DLG5: variants seen among roughly 807,000 people sequenced by gnomAD.
DLG5 encodes the protein disks large homolog 5.
In DLG5, 48 loss-of-function variants were observed where a neutral mutation model predicts 189.8. The ratio of observed to expected loss-of-function variants is 0.25; its 90% CI spans 0.20 to 0.32. The LOEUF (loss-of-function observed/expected upper bound fraction) is 0.32. Among genes scored for constraint, DLG5 ranks in the 10% least tolerant of loss-of-function variants. DLG5 has a pLI of 1.00. For missense variants in DLG5, 2,160 were observed against 2,544.7 expected (o/e 0.85, Z 3.25); for synonymous variants, 1,016 against 1,054.1 (o/e 0.96, Z 0.70).
At chr10:77,869,873 A>G (rs1844830497) in intron 1 of DLG5, among the ~76,000 whole-genome samples, 1 of 152,134 alleles carries the variant, frequency 6.6e-6, no homozygotes, top group Non-Finnish European at 1.5e-5. Context: ...CGGGAAGCCC[A>G]GTTTCTGAAC....
chr10:77,835,610 G>A, intron 8 of DLG5, 128 bp downstream of exon 8: 2 of 994,954 alleles, frequency 2.0e-6, no homozygotes, highest in East Asian at 2.7e-5. Flanking sequence ...GGTGAGAAAG[G>A]AGGAGCCCAG....
chr10:77,841,497 A>G (rs1843413552), intron 7 of DLG5, among the ~76,000 whole-genome samples: 1 of 152,248 alleles, frequency 6.6e-6, no homozygotes, highest in Admixed American at 6.5e-5. Context: ...CAAGAGGCCT[A>G]ACGTATCTAT....
chr10:77,850,230 A>G (rs530364643), intron 5 of DLG5, among the ~76,000 whole-genome samples: 111 of 152,326 alleles, frequency 7.3e-4, no homozygotes, highest in African/African-American at 2.4e-3. Flanking sequence ...AGCCCAAGAC[A>G]GCCACAAATC....
At chr10:77,850,412 A>G (rs917506027) in intron 5 of DLG5, among the ~76,000 whole-genome samples, 1 of 152,216 alleles carries the variant, frequency 6.6e-6, no homozygotes, top group African/African-American at 2.4e-5. Context: ...ATTCCATTGT[A>G]TGGATAGATC....
In DLG5 at chr10:77,796,065, T is replaced by A. The variant is rs754311935; in HGVS notation, c.5432A>T (p.Glu1811Val). ...TCAGACTGAAGCCCTGGGTACCTTT[T>A]CTGTGATCTCCTTTATTGACGCCAC... ...TTVASIKEIT[E>V]KNRHCLLDIA... Residue 1811 changes from glutamate (E) to valine (V), a missense_variant, in exon 29 of 32, where the codon GAA (glutamate) becomes GTA (valine). This residue lies in a region of DLG5 where 574 missense variants were observed against 644.2 expected (regional missense o/e 0.89). Transcript: ENST00000372391. This position sits in a 1 kb window ranked among gnomAD's most constrained non-coding sequence, Gnocchi z 5.2. 6.2e-7 allele frequency: 1 copy of A among 1,614,224 alleles called. No homozygotes were observed. Among genetic ancestry groups the A allele is most frequent in the Non-Finnish European group, 8.5e-7 (1 of 1,180,038 alleles).
At chr10:77,917,720 C>T (rs1378189951) in intron 1 of DLG5, among the ~76,000 whole-genome samples, 1 of 152,188 alleles carries the variant, frequency 6.6e-6, no homozygotes, top group African/African-American at 2.4e-5. Flanking sequence ...GATGTTTGCA[C>T]AGCAGTGTAC....
Position 77,853,533 on chromosome 10 carries a change from G to C in DLG5, c.685C>G (p.Leu229Val). Residue 229 changes from leucine (L) to valine (V), a missense_variant, in exon 5 of 32, where the codon CTC becomes GTC. Physicochemically the swap from Leu to Val is conservative, Grantham distance 32. Around this residue, in one of 5 missense-constraint regions of DLG5, gnomAD observed 664 missense variants for 838.5 expected, o/e 0.79. Transcript: ENST00000372391. ...TGGTCACTCAGGAGCCGGCTGTGGA[G>C]TGTGCTGAAACACCCGGTACATGCT... is the stretch of plus-strand genomic sequence containing the variant. Reference protein sequence around the residue: ...VAKETDFYHTLHSRLLSDQTR... With the variant: ...VAKETDFYHTVHSRLLSDQTR... The C allele has an allele frequency of 6.3e-7, 1 of 1,599,058 alleles. No homozygotes were observed. The highest frequency in any genetic ancestry group is 8.5e-7 in the Non-Finnish European group (1 of 1,172,636).
chr10:77,940,682 C>T, the DLG5 span, among the ~76,000 whole-genome samples: 3 of 152,274 alleles, frequency 2.0e-5, no homozygotes, highest in East Asian at 5.8e-4. Context: ...GAGGTCCTCT[C>T]CTCCAGAGGT....
At chr10:77,799,786 T>C (rs1327597940) in intron 27 of DLG5, among the ~76,000 whole-genome samples, 1 of 152,012 alleles carries the variant, frequency 6.6e-6, no homozygotes, top group Non-Finnish European at 1.5e-5. Context: ...TTTTTTAAAG[T>C]TTTTGTAGAG....
chr10:77,849,315 T>C (rs1205564137), intron 5 of DLG5, among the ~76,000 whole-genome samples: 1 of 152,184 alleles, frequency 6.6e-6, no homozygotes, highest in Non-Finnish European at 1.5e-5. Flanking sequence ...TCCAGAGAGG[T>C]TGACCTTTGC....
At chr10:77,935,350 A>G in the DLG5 span, among the ~76,000 whole-genome samples, 4 of 152,122 alleles carry the variant, frequency 2.6e-5, no homozygotes, top group African/African-American at 9.7e-5. Flanking sequence ...ACCCTGTGAT[A>G]GGAAGAATGG....
intron 1 of DLG5, among the ~76,000 whole-genome samples, chr10:77,915,261 A>C (rs1846326625): frequency 6.6e-6 from 1 of 151,956 alleles, no homozygotes; most frequent in Admixed American, 6.6e-5. Context: ...CGGGGGACGA[A>C]GGTTGCAGTG....
At chr10:77,807,254 A>G (rs566433507) in intron 25 of DLG5, among the ~76,000 whole-genome samples, 1 of 152,178 alleles carries the variant, frequency 6.6e-6, no homozygotes, top group Non-Finnish European at 1.5e-5. Context: ...TGGTTCCTAC[A>G]GACTGGAATC....
chr10:77,793,272 C>CCA (rs59847887), intron 31 of DLG5: 9,484 of 150,520 alleles, frequency 0.063, 835 homozygotes, highest in African/African-American at 0.2. Flanking sequence ...ACACACACAC[C>CCA]CACACACACA....
chr10:77,930,116 C>T (rs886789944), upstream of DLG5, among the ~76,000 whole-genome samples: 10 of 152,116 alleles, frequency 6.6e-5, no homozygotes, highest in African/African-American at 9.7e-5. Context: ...CCTGCACACA[C>T]GCACTCACAC....
At position 77,843,560 on chromosome 10, in the gene DLG5, G is replaced by A. The variant is rs1283876994; in HGVS notation, c.1011C>T (p.Arg337=). Residue 337 remains arginine (R), a synonymous_variant, in exon 6 of 32, where the codon CGC becomes CGT. Transcript: ENST00000372391. ...GGTTCTCCTCCCCCAGCTGCTCCAG[G>A]CGGCTCAGGTCTGCATTGTGGATGG... ...KVAIHNADLS[R]LEQLGEENQR... The A allele has an allele frequency of 1.2e-6, 2 of 1,614,084 alleles. No individual in the cohort carries two copies. The highest frequency in any genetic ancestry group is 1.7e-6 in the Non-Finnish European group (2 of 1,180,050).
intron 1 of DLG5, among the ~76,000 whole-genome samples, chr10:77,902,846 C>T (rs879670006): frequency 9.3e-5 from 14 of 150,642 alleles, no homozygotes; most frequent in Non-Finnish European, 1.5e-4. Context: ...GGCGACAGAG[C>T]GAGACTCCAT....
intron 1 of DLG5, among the ~76,000 whole-genome samples, chr10:77,920,710 C>T (rs770206840): frequency 6.6e-6 from 1 of 152,148 alleles, no homozygotes. Context: ...TCTGCCTGGG[C>T]TGATTGGATA....
At chr10:77,849,272 C>T (rs1230089396) in intron 5 of DLG5, among the ~76,000 whole-genome samples, 4 of 152,240 alleles carry the variant, frequency 2.6e-5, no homozygotes, top group South Asian at 4.1e-4. Context: ...GTTTACAAGG[C>T]GTGGGAGGAA....
Sources: gnomAD v4.1 joint callset for allele counts (sites outside exome capture counted in the v4.1 genomes callset) on GRCh38, gnomAD v4.1.1 for gene constraint, gnomAD v4.1.1 regional missense constraint, Gnocchi (gnomAD v3.1) non-coding constraint, MANE v1.5 for transcripts, NCBI Gene and HGNC (gene_info 2026-07-23, HGNC 2026-07-21) for gene names.